The following ZNF143 variants were observed in gnomAD, a reference collection of about 807,000 sequenced individuals.
ZNF143 encodes the protein zinc finger protein 143.
Under a neutral mutation model 74.1 loss-of-function variants are expected in ZNF143, and 49 were observed. The ratio of observed to expected loss-of-function variants is 0.66; its 90% CI spans 0.53 to 0.84. The LOEUF (loss-of-function observed/expected upper bound fraction) is 0.84, where lower values mean the gene tolerates loss of function less well. ZNF143 is among the 40% of genes least tolerant of loss of function. The pLI, the probability that ZNF143 is intolerant of heterozygous loss-of-function variation, is 0.00. For missense variants in ZNF143, 637 were observed against 793.4 expected (o/e 0.80, Z 2.37); for synonymous variants, 304 against 282.8 (o/e 1.07, Z -0.75).
At chr11:9,483,063 G>T (rs1266413617) in intron 7 of ZNF143, among the ~76,000 whole-genome samples, 1 of 150,598 alleles carries the variant, frequency 6.6e-6, no homozygotes, top group Non-Finnish European at 1.5e-5. Flanking sequence ...ATGTGATTTT[G>T]GCTGACTGCA....
chr11:9,501,049 AT>A, intron 10 of ZNF143, 41 bp from the exon 11 acceptor site: 1 of 1,605,456 alleles, frequency 6.2e-7, no homozygotes, highest in Non-Finnish European at 8.5e-7. Flanking sequence ...AATCCTCTAT[AT>A]ATTTTTGCAC....
chr11:9,488,927 TA>T (rs1252184959), intron 7 of ZNF143, among the ~76,000 whole-genome samples: 1 of 152,102 alleles, frequency 6.6e-6, no homozygotes, highest in Admixed American at 6.6e-5. Flanking sequence ...ATTGAGAAGG[TA>T]AATGTTAGCC....
chr11:9,504,793 G>C (rs1848296747), intron 11 of ZNF143, among the ~76,000 whole-genome samples: 1 of 115,874 alleles, frequency 8.6e-6, no homozygotes, highest in Non-Finnish European at 2.0e-5. Context: ...TCCTGCCTCA[G>C]CCTCCTGAGT....
chr11:9,520,944 G>A (rs1014010222), intron 14 of ZNF143, among the ~76,000 whole-genome samples: 8 of 152,162 alleles, frequency 5.3e-5, no homozygotes, highest in African/African-American at 1.9e-4. Flanking sequence ...TGGTTATGAT[G>A]TATTTTTGTA....
At chr11:9,511,901 G>A (rs1411235684) in intron 12 of ZNF143, among the ~76,000 whole-genome samples, 13 of 151,450 alleles carry the variant, frequency 8.6e-5, no homozygotes, top group Non-Finnish European at 1.3e-4. Context: ...ACAGGCGCCC[G>A]CCACCATGAC....
chr11:9,520,691 A>T (rs1848892943), intron 14 of ZNF143, among the ~76,000 whole-genome samples: 1 of 152,204 alleles, frequency 6.6e-6, no homozygotes, highest in Non-Finnish European at 1.5e-5. Context: ...CAGGAGGCTG[A>T]GGCAGGAGAA....
At chr11:9,512,080 T>C (rs991801148) in intron 12 of ZNF143, among the ~76,000 whole-genome samples, 1 of 152,156 alleles carries the variant, frequency 6.6e-6, no homozygotes, top group African/African-American at 2.4e-5. Context: ...TGCGAGAATT[T>C]AGTGCATACT....
chr11:9,499,560 C>T lies in ZNF143; in HGVS notation c.968-1531C>T, dbSNP rs533720887. Among the ~76,000 whole-genome samples the T allele has an allele frequency of 3.9e-5, 6 of 152,234 alleles. No homozygotes were observed. In the South Asian group the frequency reaches 6.2e-4, roughly 16 times the overall value. Reference sequence around the variant, plus strand: ...GACCAAAAGAAAAACAACAAACTAGCCAGTCGTGGTAGCATGTGCCTGTGG... The same window carrying T: ...GACCAAAAGAAAAACAACAAACTAGTCAGTCGTGGTAGCATGTGCCTGTGG... On this transcript the variant is annotated intron_variant, in intron 10 of 15. Transcript: ENST00000396602.
chr11:9,514,343 C>T (rs1223589550), intron 13 of ZNF143, among the ~76,000 whole-genome samples: 2 of 152,238 alleles, frequency 1.3e-5, no homozygotes, highest in East Asian at 3.8e-4. Context: ...TTAACCTTCT[C>T]ATTTCCTTCA....
At chr11:9,476,536 C>G (rs1388923647) in intron 5 of ZNF143, among the ~76,000 whole-genome samples, 1 of 151,658 alleles carries the variant, frequency 6.6e-6, no homozygotes, top group Admixed American at 6.6e-5. Context: ...CTACACCCGG[C>G]TAATTTTTGT....
At chr11:9,477,066 A>G (rs184376208) in intron 5 of ZNF143, among the ~76,000 whole-genome samples, 34 of 151,928 alleles carry the variant, frequency 2.2e-4, no homozygotes, top group Non-Finnish European at 3.8e-4. Context: ...ACTTAAATTT[A>G]TAAATAAATT....
intron 7 of ZNF143, among the ~76,000 whole-genome samples, chr11:9,494,082 G>C (rs1017798226): frequency 5.3e-5 from 8 of 152,132 alleles, no homozygotes; most frequent in African/African-American, 1.9e-4. Flanking sequence ...TGTTTTTCTA[G>C]AGTAGGAATA....
At chr11:9,522,706 C>G (rs182480484) in intron 14 of ZNF143, among the ~76,000 whole-genome samples, 19 of 152,060 alleles carry the variant, frequency 1.2e-4, no homozygotes, top group Admixed American at 1.1e-3. Context: ...GTTGGTCAGG[C>G]TGGTCTCGAA....
At chr11:9,513,242 T>C (rs924250871) in intron 13 of ZNF143, among the ~76,000 whole-genome samples, 1 of 152,236 alleles carries the variant, frequency 6.6e-6, no homozygotes, top group South Asian at 2.1e-4. Context: ...TCTTCCTCTT[T>C]CATGGAGAAC....
intron 5 of ZNF143, among the ~76,000 whole-genome samples, chr11:9,477,411 T>C (rs775655670): frequency 3.3e-5 from 5 of 152,134 alleles, no homozygotes; most frequent in Middle Eastern, 3.4e-3. Context: ...CGCGCCACCA[T>C]GCCCAGCTAT....
At chr11:9,504,730 A>G (rs1425788578) in intron 11 of ZNF143, among the ~76,000 whole-genome samples, 2 of 109,122 alleles carry the variant, frequency 1.8e-5, no homozygotes, top group African/African-American at 6.0e-5. Flanking sequence ...GCTGGAGTGC[A>G]ATGGCGTGAT....
In ZNF143 at chr11:9,508,610, G is replaced by C. The variant is rs1230137996; in HGVS notation, c.1148-9G>C. ...AAAAGTTGAACTTTTTTTTGGTGTT[G>C]CTCTTTAGGAGAAAAGCCATATGTT... On this transcript the variant is annotated splice_polypyrimidine_tract_variant and intron_variant, in intron 11 of 15. Transcript: ENST00000396602. 1.9e-6 allele frequency: 3 copies of C among 1,603,964 alleles called. No homozygotes were observed. Among genetic ancestry groups the C allele is most frequent in the Middle Eastern group, 1.7e-4 (1 of 6,056 alleles).
Position 9,479,242 on chromosome 11 carries a change from T to C in ZNF143, c.571-230T>C, listed in dbSNP as rs372662280. ...CTGGTCTTGAACTCCTGGGCTCAGA[T>C]GATCCTCCTGCCTCAGCCTCCCAAA... On this transcript the variant is annotated intron_variant, in intron 6 of 15. Transcript: ENST00000396602. 2.0e-5 allele frequency among the ~76,000 whole-genome samples: 3 copies of C among 152,096 alleles called. No homozygotes were observed. In the South Asian group the frequency reaches 6.2e-4, roughly 32 times the overall value.
At chr11:9,484,588 AG>A (rs1287057076) in intron 7 of ZNF143, among the ~76,000 whole-genome samples, 2 of 145,298 alleles carry the variant, frequency 1.4e-5, no homozygotes. Context: ...TGGTTATCTT[AG>A]GGGCAAAAGT....
Sources: gnomAD v4.1 joint callset for allele counts (sites outside exome capture counted in the v4.1 genomes callset) on GRCh38, gnomAD v4.1.1 for gene constraint, MANE v1.5 for transcripts, NCBI Gene and HGNC (gene_info 2026-07-23, HGNC 2026-07-21) for gene names.